CTNND2: variants seen among roughly 807,000 people sequenced by gnomAD.
CTNND2 encodes catenin delta-2.
In CTNND2, 22 loss-of-function variants were observed where a neutral mutation model predicts 144.4. The observed-to-expected ratio is 0.15, with a 90% CI of 0.11 to 0.22. The LOEUF is 0.22. CTNND2 is among the 10% of genes least tolerant of loss of function. CTNND2 has a pLI of 1.00. For synonymous variants in CTNND2, 751 were observed against 695.6 expected (o/e 1.08, Z -1.25); for missense variants, 1,353 against 1,618.8 (o/e 0.84, Z 2.82).
chr5:11,742,946 A>G (rs1465933984), intron 1 of CTNND2, among the ~76,000 whole-genome samples: 1 of 152,226 alleles, frequency 6.6e-6, no homozygotes, highest in African/African-American at 2.4e-5. Context: ...TGTAACTAGC[A>G]TATCGCTACC....
rs562151584 is a variant in CTNND2 at position 11,823,189 on chromosome 5, T to C, written c.37+80628A>G. On this transcript the variant is annotated intron_variant, in intron 1 of 21. Transcript: ENST00000304623. Reference sequence around the variant, plus strand: ...AAGTAAAACACTCAATAAATGAGGATTAAAGACCTGCACATGGGAAAGATT... The same window carrying C: ...AAGTAAAACACTCAATAAATGAGGACTAAAGACCTGCACATGGGAAAGATT... Among the ~76,000 whole-genome samples, 97 of 152,272 alleles carry C rather than the reference T, an allele frequency of 6.4e-4. 1 individual carries two copies. Among genetic ancestry groups the C allele is most frequent in the Non-Finnish European group, 1.2e-3 (82 of 68,010 alleles).
At chr5:11,568,039 G>A (rs1777261112) in intron 2 of CTNND2, among the ~76,000 whole-genome samples, 2 of 152,122 alleles carry the variant, frequency 1.3e-5, no homozygotes, top group Non-Finnish European at 2.9e-5. Context: ...TAATCATCCT[G>A]CCCTATGAAG....
intron 8 of CTNND2, among the ~76,000 whole-genome samples, chr5:11,363,175 A>G (rs1581018290): frequency 6.6e-6 from 1 of 152,112 alleles, no homozygotes; most frequent in African/African-American, 2.4e-5. Context: ...ACACTATCAC[A>G]CTAGAGTTTT....
rs373559638 is a variant in CTNND2, at chr5:10,972,860, A to G, written c.*593T>C. 1 of 152,614 alleles carries G rather than the reference A, an allele frequency of 6.6e-6. No homozygotes were observed. Among genetic ancestry groups the G allele is most frequent in the Non-Finnish European group, 1.5e-5 (1 of 68,046 alleles). 9.5% of individuals were successfully genotyped at this position (152,614 alleles called of 1,614,324 possible). A position where few individuals can be genotyped will look rare whatever the true frequency, so the allele number is the denominator to read the frequency against. ...ACATCTTTCAAAAGTTTGAAATTGA[A>G]GCAATATTTAGAACCATAGATGAGG... On this transcript the variant is annotated 3_prime_UTR_variant, in exon 22 of 22. Coordinates refer to ENST00000304623, the MANE Select transcript of CTNND2 (RefSeq NM_001332.4).
intron 1 of CTNND2, among the ~76,000 whole-genome samples, chr5:11,861,675 G>A (rs576173474): frequency 3.0e-4 from 45 of 152,244 alleles, no homozygotes; most frequent in African/African-American, 9.9e-4. Context: ...ACTCGATCAC[G>A]TCCCTTCTCT....
chr5:11,833,690 A>C lies in CTNND2; in HGVS notation c.37+70127T>G, dbSNP rs1325740135. Among the ~76,000 whole-genome samples the C allele has an allele frequency of 2.0e-5, 3 of 151,952 alleles. No individual in the cohort carries two copies. In the East Asian group the frequency reaches 5.8e-4, roughly 29 times the overall value. ...AGGCACCCACGACTACTCCCAGCTA[A>C]TTTTTGTATTTTTAGTAGAGACAGG... is the stretch of plus-strand genomic sequence containing the variant. On this transcript the variant is annotated intron_variant, in intron 1 of 21. Transcript: ENST00000304623.
At chr5:11,321,243 C>T (rs1752001664) in intron 9 of CTNND2, among the ~76,000 whole-genome samples, 1 of 152,128 alleles carries the variant, frequency 6.6e-6, no homozygotes, top group East Asian at 1.9e-4. Flanking sequence ...TGTGTTGCAA[C>T]ATTAAAAAGG....
intron 3 of CTNND2, among the ~76,000 whole-genome samples, chr5:11,448,937 A>C (rs1765078673): frequency 6.6e-6 from 1 of 151,696 alleles, no homozygotes; most frequent in South Asian, 2.1e-4. Context: ...TCTGGGGCTC[A>C]AGTGATCCTC....
chr5:11,472,236 A>G (rs1463073309), intron 3 of CTNND2, among the ~76,000 whole-genome samples: 1 of 152,176 alleles, frequency 6.6e-6, no homozygotes, highest in East Asian at 1.9e-4. Context: ...TTCTTCTTTT[A>G]TAGCCAATGA....
intron 12 of CTNND2, among the ~76,000 whole-genome samples, chr5:11,132,930 T>C (rs1301224393): frequency 6.6e-6 from 1 of 152,096 alleles, no homozygotes; most frequent in African/African-American, 2.4e-5. Context: ...AGTAGTTTTT[T>C]ACTTGAGGCA....
At chr5:11,836,762 C>G (rs1794205361) in intron 1 of CTNND2, among the ~76,000 whole-genome samples, 1 of 152,028 alleles carries the variant, frequency 6.6e-6, no homozygotes, top group South Asian at 2.1e-4. Context: ...TTTAGCTTTA[C>G]CGAAGGTAGG....
At chr5:11,317,665 G>T (rs1417385168) in intron 9 of CTNND2, among the ~76,000 whole-genome samples, 1 of 152,106 alleles carries the variant, frequency 6.6e-6, no homozygotes, top group African/African-American at 2.4e-5. Flanking sequence ...TTACAAACAT[G>T]ATTATTTCTT....
chr5:11,564,892 T>A, intron 3 of CTNND2, 52 bp downstream of exon 3: 1 of 1,252,514 alleles, frequency 8.0e-7, no homozygotes, highest in Non-Finnish European at 1.2e-6. Flanking sequence ...CATCACGATT[T>A]ACTTGCAGGG....
intron 1 of CTNND2, among the ~76,000 whole-genome samples, chr5:11,853,382 CT>C: frequency 6.6e-6 from 1 of 152,290 alleles, no homozygotes; most frequent in Admixed American, 6.5e-5. Flanking sequence ...TTGTCTCCCC[CT>C]CTCCCTGGCA....
intron 16 of CTNND2, among the ~76,000 whole-genome samples, chr5:11,026,069 G>T (rs183841367): frequency 6.6e-6 from 1 of 152,266 alleles, no homozygotes; most frequent in East Asian, 1.9e-4. Context: ...TGGAGGTAGG[G>T]TTCTTTTAGG....
chr5:11,774,986 C>G (rs1263989875), intron 1 of CTNND2, among the ~76,000 whole-genome samples: 2 of 152,108 alleles, frequency 1.3e-5, no homozygotes, highest in African/African-American at 4.8e-5. Context: ...GTCCTTCTGT[C>G]TCTCAAAATG....
At chr5:11,224,223 C>T (rs751089467) in intron 10 of CTNND2, among the ~76,000 whole-genome samples, 1 of 152,160 alleles carries the variant, frequency 6.6e-6, no homozygotes, top group Admixed American at 6.5e-5. Flanking sequence ...TGGTCCTTTC[C>T]ACTCAAAGCA....
chr5:11,327,159 C>T (rs946823320), intron 9 of CTNND2, among the ~76,000 whole-genome samples: 31 of 152,232 alleles, frequency 2.0e-4, no homozygotes, highest in African/African-American at 6.7e-4. Flanking sequence ...CGGGATGTGG[C>T]TACTGCATTG....
chr5:11,860,060 A>G (rs1404442811), intron 1 of CTNND2, among the ~76,000 whole-genome samples: 1 of 152,198 alleles, frequency 6.6e-6, no homozygotes, highest in Non-Finnish European at 1.5e-5. Flanking sequence ...TCATCATAAC[A>G]ACTGTGATCA....
Sources: gnomAD v4.1 joint callset for allele counts (sites outside exome capture counted in the v4.1 genomes callset) on GRCh38, gnomAD v4.1.1 for gene constraint, MANE v1.5 for transcripts, NCBI Gene and HGNC (gene_info 2026-07-23, HGNC 2026-07-21) for gene names.